Variants in LRCH3 observed in about 807,000 individuals in gnomAD.
LRCH3 encodes leucine rich repeats and calponin homology domain containing 3, also known as DISP complex protein LRCH3.
A neutral mutation model predicts 104.5 loss-of-function variants in LRCH3; 68 were observed. That is an observed-to-expected ratio of 0.65 (90% CI 0.54 to 0.80). The LOEUF (loss-of-function observed/expected upper bound fraction) is 0.80. LRCH3 is among the 30% of genes least tolerant of loss of function. The pLI is 0.00. For missense variants in LRCH3, 951 were observed against 953.9 expected (o/e 1.00, Z 0.04); for synonymous variants, 344 against 361.3 (o/e 0.95, Z 0.54).
chr3:197,858,759 G>T, intron 14 of LRCH3, 75 bp from the exon 15 acceptor site: 2 of 1,190,702 alleles, frequency 1.7e-6, no homozygotes, highest in Non-Finnish European at 2.5e-6. Flanking sequence ...CATTTCACTA[G>T]TCAGATCTGC....
At chr3:197,880,793 C>T (rs1166516964) in intron 20 of LRCH3, 1 of 1,526,636 alleles carries the variant, frequency 6.6e-7, no homozygotes, top group Non-Finnish European at 8.8e-7. Context: ...GAATTATTTA[C>T]ATAAGTGCTT....
rs138507683 is a variant in LRCH3, at chr3:197,844,762, C to T, written c.1329-2647C>T. ...CCTTCTGAGTAGCTGGGACTACAGG[C>T]GCGCACCACCACACCTGGCCAGTTT... On this transcript the variant is annotated intron_variant, in intron 10 of 20. Transcript: ENST00000425562. 4.0e-3 allele frequency among the ~76,000 whole-genome samples: 606 copies of T among 152,152 alleles called. 15 individuals are homozygous for T. The East Asian group carries it at 0.051, about 13-fold the overall frequency.
At chr3:197,855,780 CACTT>C (rs1300483318) in intron 14 of LRCH3, among the ~76,000 whole-genome samples, 6 of 152,228 alleles carry the variant, frequency 3.9e-5, no homozygotes, top group Non-Finnish European at 7.3e-5. Context: ...AAAACACACT[CACTT>C]AAGTCTTAGT....
intron 1 of LRCH3, among the ~76,000 whole-genome samples, chr3:197,792,896 C>A (rs1025697095): frequency 6.6e-6 from 1 of 152,010 alleles, no homozygotes; most frequent in Admixed American, 6.6e-5. Context: ...AGGTGATTCG[C>A]CCGCCTCGGC....
intron 10 of LRCH3, among the ~76,000 whole-genome samples, chr3:197,839,664 G>A (rs1737499312): frequency 6.6e-6 from 1 of 152,116 alleles, no homozygotes; most frequent in Non-Finnish European, 1.5e-5. Flanking sequence ...AAGCTATATG[G>A]ATTCATGCAC....
At chr3:197,879,463 G>GCA (rs1560062885) in intron 20 of LRCH3, among the ~76,000 whole-genome samples, 3 of 150,572 alleles carry the variant, frequency 2.0e-5, no homozygotes, top group Non-Finnish European at 2.9e-5. Context: ...TGGCTAACAT[G>GCA]GTGAAACCCC....
At chr3:197,872,204 A>G (rs1712281083) in intron 19 of LRCH3, among the ~76,000 whole-genome samples, 1 of 151,692 alleles carries the variant, frequency 6.6e-6, no homozygotes, top group Admixed American at 6.6e-5. Flanking sequence ...CAAAAATACA[A>G]AAATCAGCTG....
chr3:197,870,132 T>C lies in LRCH3; in HGVS notation c.1874-28T>C, dbSNP rs753456170. ...TTCTCCTAGCACTGCCAGTTGCCTT[T>C]CTGTCTTACATATTAATATTTTTAT... On this transcript the variant is annotated intron_variant, in intron 17 of 20. Transcript: ENST00000425562. 3.1e-6 allele frequency: 5 copies of C among 1,606,506 alleles called. No homozygotes were observed. The South Asian group carries it at 5.5e-5, about 18-fold the overall frequency.
chr3:197,852,303 A>G, intron 12 of LRCH3: 1 of 410,152 alleles, frequency 2.4e-6, no homozygotes, highest in Non-Finnish European at 4.4e-6. Context: ...TTCGAGTGAT[A>G]CTAAAGCCAT....
In LRCH3 at chr3:197,856,079, T is replaced by G. The variant is rs1438103996; in HGVS notation, c.1644+1634T>G. On this transcript the variant is annotated intron_variant, in intron 14 of 20. Transcript: ENST00000425562. The surrounding 1 kb of genome is among the most constrained non-coding windows in gnomAD (Gnocchi z 4.2). The stretch of plus-strand genomic sequence containing the variant: ...CAGCTCTTCAAATATCATAAGCCCT[T>G]TCCCATCTCAGACCTTTGCAAATGC... 6.6e-6 allele frequency among the ~76,000 whole-genome samples: 1 copy of G among 152,206 alleles called. No individual in the cohort carries two copies. The highest frequency in any genetic ancestry group is 1.5e-5 in the Non-Finnish European group (1 of 68,034).
At chr3:197,828,381 T>C (rs1735480320) in intron 5 of LRCH3, among the ~76,000 whole-genome samples, 1 of 152,080 alleles carries the variant, frequency 6.6e-6, no homozygotes. Context: ...AGTCTCGCTC[T>C]GTTGCCCAGG....
rs953690296 is a variant in LRCH3, at chr3:197,847,518, T to C, written c.1380+58T>C. 6.2e-6 allele frequency: 9 copies of C among 1,451,754 alleles called. No homozygotes were observed. The Admixed American group carries it at 1.4e-4, about 22-fold the overall frequency. The allele number at this position is 1,451,754 out of a possible 1,614,324, so 89.9% of individuals were successfully genotyped here. ...TTTAAACTAAGATGATTTTTTTTCT[T>C]TTATAATACTTAAATTGCCATTAAT... On this transcript the variant is annotated intron_variant, in intron 11 of 20. Coordinates refer to ENST00000425562, the MANE Select transcript of LRCH3 (RefSeq NM_001365715.1).
chr3:197,816,302 CA>C (rs1385905339), intron 2 of LRCH3, among the ~76,000 whole-genome samples: 1 of 151,530 alleles, frequency 6.6e-6, no homozygotes, highest in Non-Finnish European at 1.5e-5. Context: ...TCTTTTGAGA[CA>C]GGGTTTTACT....
intron 20 of LRCH3, among the ~76,000 whole-genome samples, chr3:197,878,420 C>T (rs1452704466): frequency 6.6e-6 from 1 of 152,124 alleles, no homozygotes; most frequent in East Asian, 1.9e-4. Flanking sequence ...GCCCCTGTTC[C>T]TACCAGAGCT....
rs1199267143 is a variant in LRCH3, at chr3:197,883,032, C to G, written c.2209-509C>G. The G allele has an allele frequency of 2.0e-6, 2 of 985,276 alleles. No homozygotes were observed. The highest frequency in any genetic ancestry group is 6.2e-5 in the Admixed American group (1 of 16,252). 61.0% of individuals were successfully genotyped at this position (985,276 alleles called of 1,614,324 possible). A position where few individuals can be genotyped will look rare whatever the true frequency, so the allele number is the denominator to read the frequency against. On this transcript the variant is annotated intron_variant, in intron 20 of 20. Transcript: ENST00000425562. This position sits in a 1 kb window ranked among gnomAD's most constrained non-coding sequence, Gnocchi z 4.2. ...TCTGGTCTGGAAACCCTGGTTTTCA[C>G]AGTCAGGATTATAATGCAGATAGCG...
At chr3:197,833,160 T>C (rs953382896) in intron 8 of LRCH3, among the ~76,000 whole-genome samples, 3 of 152,126 alleles carry the variant, frequency 2.0e-5, no homozygotes, top group African/African-American at 7.2e-5. Context: ...AGACTTAAAA[T>C]AATGTTGAGA....
In LRCH3 at chr3:197,883,388, C is replaced by T; in HGVS notation, c.2209-153C>T. On this transcript the variant is annotated intron_variant, in intron 20 of 20. Coordinates refer to ENST00000425562, the MANE Select transcript of LRCH3 (RefSeq NM_001365715.1). This position sits in a 1 kb window ranked among gnomAD's most constrained non-coding sequence, Gnocchi z 4.2. ...AGTGTCAGACACCATCTCTCTAACT[C>T]ATATTTACACTGAGGTCAGTTTCCC... 3 of 1,396,632 alleles carry T rather than the reference C, an allele frequency of 2.1e-6. No individual in the cohort carries two copies. The South Asian group carries it at 4.7e-5, about 22-fold the overall frequency. 86.5% of individuals were successfully genotyped at this position (1,396,632 alleles called of 1,614,324 possible). A position where few individuals can be genotyped will look rare whatever the true frequency, so the allele number is the denominator to read the frequency against.
At chr3:197,835,643 G>T (rs773151018) in intron 8 of LRCH3, 31 bp from the exon 9 acceptor site, 23 of 1,574,122 alleles carry the variant, frequency 1.5e-5, no homozygotes, top group Non-Finnish European at 2.0e-5. Flanking sequence ...TGGTGTGTGT[G>T]TGTGTGTGGG....
intron 10 of LRCH3, among the ~76,000 whole-genome samples, chr3:197,845,406 CAAA>C (rs370414681): frequency 2.3e-5 from 2 of 85,832 alleles, no homozygotes; most frequent in Admixed American, 1.3e-4. Flanking sequence ...GAGACTCTGT[CAAA>C]AAAAAAAAAA....
Sources: allele counts gnomAD v4.1 joint callset (sites outside exome capture counted in the v4.1 genomes callset), GRCh38; gene constraint gnomAD v4.1.1; non-coding constraint Gnocchi (gnomAD v3.1); transcripts MANE v1.5; gene names NCBI Gene and HGNC (gene_info 2026-07-23, HGNC 2026-07-21).